The following COL11A1 variants were observed in gnomAD, a reference collection of about 807,000 sequenced individuals.
COL11A1 encodes collagen alpha-1(XI) chain.
A neutral mutation model predicts 265.2 loss-of-function variants in COL11A1; 74 were observed. The observed-to-expected ratio is 0.28, with a 90% CI of 0.23 to 0.34. The LOEUF (loss-of-function observed/expected upper bound fraction) is 0.34. Among genes scored for constraint, COL11A1 ranks in the 10% least tolerant of loss-of-function variants. The pLI is 1.00. For synonymous variants in COL11A1, 816 were observed against 727.6 expected, an observed-to-expected ratio of 1.12 and a Z score of -1.96; for missense variants, 2,165 against 2,263.6, an observed-to-expected ratio of 0.96 and a Z score of 0.88.
intron 35 of COL11A1, among the ~76,000 whole-genome samples, chr1:102,977,192 A>G (rs1236100057): frequency 2.0e-5 from 3 of 152,166 alleles, no homozygotes; most frequent in Non-Finnish European, 2.9e-5. Context: ...CCATTTTTCA[A>G]CTGTGTGCTC....
At chr1:102,997,486 A>G (rs1664740025) in intron 25 of COL11A1, among the ~76,000 whole-genome samples, 1 of 152,028 alleles carries the variant, frequency 6.6e-6, no homozygotes, top group Admixed American at 6.6e-5. Flanking sequence ...AATTAATCAA[A>G]TGATCATACA....
chr1:103,051,596 ACTGCACCCACTGTC>A (rs1669833585), intron 4 of COL11A1, among the ~76,000 whole-genome samples: 1 of 152,094 alleles, frequency 6.6e-6, no homozygotes, highest in African/African-American at 2.4e-5. Flanking sequence ...TGCATGGTGC[ACTGCACCCACTGTC>A]CTGCACCCAC....
intron 1 of COL11A1, among the ~76,000 whole-genome samples, chr1:103,093,338 G>A (rs1673476840): frequency 6.6e-6 from 1 of 152,050 alleles, no homozygotes; most frequent in African/African-American, 2.4e-5. Context: ...TGATGAACAG[G>A]CAGCAAACCA....
intron 9 of COL11A1, among the ~76,000 whole-genome samples, chr1:103,019,833 G>T (rs1356161154): frequency 6.7e-6 from 1 of 149,524 alleles, no homozygotes; most frequent in African/African-American, 2.5e-5. Context: ...GTGAGAATAC[G>T]CAGTGTTTGG....
At chr1:103,034,624 GT>G (rs71592258) in intron 4 of COL11A1, among the ~76,000 whole-genome samples, 4 of 151,538 alleles carry the variant, frequency 2.6e-5, no homozygotes, top group South Asian at 2.1e-4. Context: ...TGTTTTTTAC[GT>G]TTTTTTTAAC....
At chr1:102,969,108 G>GT (rs1421815750) in intron 37 of COL11A1, among the ~76,000 whole-genome samples, 2 of 152,048 alleles carry the variant, frequency 1.3e-5, no homozygotes, top group Non-Finnish European at 2.9e-5. Context: ...TATCCAAACA[G>GT]TTTTTTCTTT....
intron 46 of COL11A1, among the ~76,000 whole-genome samples, chr1:102,931,738 T>A (rs1364365191): frequency 1.3e-5 from 2 of 152,110 alleles, no homozygotes; most frequent in Non-Finnish European, 1.5e-5. Flanking sequence ...AGTCTCTTTG[T>A]AGGTCACTCA....
intron 49 of COL11A1, among the ~76,000 whole-genome samples, chr1:102,918,861 C>A (rs892927221): frequency 6.6e-6 from 1 of 151,994 alleles, no homozygotes; most frequent in African/African-American, 2.4e-5. Context: ...GCATTCATGC[C>A]TATTTTCAAG....
At chr1:102,963,326 G>T (rs1237198288) in intron 38 of COL11A1, among the ~76,000 whole-genome samples, 1 of 152,200 alleles carries the variant, frequency 6.6e-6, no homozygotes, top group African/African-American at 2.4e-5. Context: ...AAGGCAGTGA[G>T]TATGGGTCAG....
chr1:102,979,087 T>C lies in COL11A1; in HGVS notation c.2628A>G (p.Pro876=). 6.2e-7 allele frequency: 1 copy of C among 1,614,158 alleles called. No individual in the cohort carries two copies. The highest frequency in any genetic ancestry group is 2.2e-5 in the East Asian group (1 of 44,886). ...TTGGACCACGCTGACCCCGAGGGCC[T>C]GGTTTGCCAGCTACTCCCTAGCAAA... ...EKGARGVAGK[P]GPRGQRGPTG... is the part of the protein sequence containing the mutation. Residue 876 remains proline (P), a synonymous_variant, in exon 33 of 67, where the codon CCA becomes CCG. Coordinates refer to ENST00000370096, the MANE Select transcript of COL11A1 (RefSeq NM_001854.4).
Position 103,005,900 on chromosome 1 carries a change from CCAT to C in COL11A1, c.1792-12_1792-10del, listed in dbSNP as rs71752747. ...TCAAACCCTCGATCTCCCTGTAAAA[CCAT>C]CATCATCATCATCATCATCATCATC... On this transcript the variant is annotated splice_polypyrimidine_tract_variant and intron_variant, in intron 17 of 66. Coordinates refer to ENST00000370096, the MANE Select transcript of COL11A1 (RefSeq NM_001854.4). 0.77 allele frequency: 1,168,971 copies of C among 1,517,264 alleles called. 434,303 individuals carry two copies. Among genetic ancestry groups the C allele is most frequent in the East Asian group, 0.9 (37,570 of 41,610 alleles). The allele number at this position is 1,517,264 out of a possible 1,614,324, so 94.0% of individuals were successfully genotyped here.
At chr1:102,992,724 A>T (rs116365522) in intron 28 of COL11A1, among the ~76,000 whole-genome samples, 2,231 of 152,186 alleles carry the variant, frequency 0.015, 64 homozygotes, top group African/African-American at 0.051. Context: ...GGTATATTAG[A>T]TAGAATAAAA....
intron 1 of COL11A1, among the ~76,000 whole-genome samples, chr1:103,085,976 A>T (rs1672822005): frequency 6.6e-6 from 1 of 152,132 alleles, no homozygotes; most frequent in Admixed American, 6.5e-5. Context: ...TACTCTTAAG[A>T]TCTGTGTAAA....
chr1:102,946,752 G>T, intron 42 of COL11A1, 97 bp downstream of exon 42: 1 of 935,944 alleles, frequency 1.1e-6, no homozygotes, highest in Non-Finnish European at 1.7e-6. Context: ...TATGCAGAGA[G>T]AATACGGTGG....
intron 4 of COL11A1, among the ~76,000 whole-genome samples, chr1:103,048,211 T>C (rs952036559): frequency 2.0e-5 from 3 of 152,144 alleles, no homozygotes; most frequent in African/African-American, 7.2e-5. Flanking sequence ...TGGTAGAATT[T>C]GGCTGTGAAT....
chr1:102,967,873 G>T (rs559995897), intron 37 of COL11A1, among the ~76,000 whole-genome samples: 1 of 152,270 alleles, frequency 6.6e-6, no homozygotes, highest in African/African-American at 2.4e-5. Context: ...AAATGTAATA[G>T]ATTAAAAATC....
At chr1:103,090,296 A>G (rs190969300) in intron 1 of COL11A1, among the ~76,000 whole-genome samples, 4 of 152,272 alleles carry the variant, frequency 2.6e-5, no homozygotes, top group Admixed American at 2.6e-4. Context: ...ATAAAAATAA[A>G]ATAATACAGA....
chr1:103,003,054 A>G (rs1319214903), intron 21 of COL11A1, among the ~76,000 whole-genome samples, 161 bp downstream of exon 21: 1 of 152,134 alleles, frequency 6.6e-6, no homozygotes, highest in East Asian at 1.9e-4. Context: ...AGATAGAAGA[A>G]AAGGAGGGAA....
At chr1:102,903,283 C>T (rs1625969) in intron 54 of COL11A1, among the ~76,000 whole-genome samples, 127,795 of 152,104 alleles carry the variant, frequency 0.84, 55,068 homozygotes, top group East Asian at 1. Context: ...TTAATAACCA[C>T]TAGAATTTTC....
Sources: allele counts gnomAD v4.1 joint callset (sites outside exome capture counted in the v4.1 genomes callset), GRCh38; gene constraint gnomAD v4.1.1; transcripts MANE v1.5; gene names NCBI Gene and HGNC (gene_info 2026-07-23, HGNC 2026-07-21).